The following ZCCHC7 variants were observed in gnomAD, a reference collection of about 807,000 sequenced individuals.
The protein encoded by ZCCHC7 is zinc finger CCHC-type containing 7.
ZCCHC7 carries 35 observed loss-of-function variants against 52.0 expected under a neutral mutation model. The observed-to-expected ratio is 0.67, with a 90% confidence interval of 0.51 to 0.89. ZCCHC7 has a LOEUF of 0.89. ZCCHC7 is among the 40% of genes least tolerant of loss of function. The pLI is 0.00. For missense variants in ZCCHC7, 574 were observed against 649.1 expected (o/e 0.88, Z 1.26); for synonymous variants, 217 against 221.5 (o/e 0.98, Z 0.18).
intron 2 of ZCCHC7, among the ~76,000 whole-genome samples, chr9:37,166,125 G>A (rs912995583): frequency 3.2e-4 from 36 of 113,294 alleles, no homozygotes; most frequent in Middle Eastern, 5.9e-3. Context: ...GGCTGGGTGG[G>A]GTGGCTCACG....
At chr9:37,246,699 G>A (rs1826094191) in intron 2 of ZCCHC7, among the ~76,000 whole-genome samples, 1 of 152,110 alleles carries the variant, frequency 6.6e-6, no homozygotes, top group Admixed American at 6.6e-5. Flanking sequence ...AATATGTGCA[G>A]TTGGCTCTCG....
chr9:37,176,965 C>T (rs1564159805), intron 2 of ZCCHC7, among the ~76,000 whole-genome samples: 1 of 152,092 alleles, frequency 6.6e-6, no homozygotes, highest in Admixed American at 6.6e-5. Context: ...ACTACTGATG[C>T]CTCAGTCCTA....
At chr9:37,345,936 A>T (rs1820936387) in intron 6 of ZCCHC7, among the ~76,000 whole-genome samples, 1 of 152,132 alleles carries the variant, frequency 6.6e-6, no homozygotes, top group South Asian at 2.1e-4. Context: ...AAGAGCTGAA[A>T]GTAAAGTTGT....
At chr9:37,143,350 A>G (rs1313070030) in intron 2 of ZCCHC7, among the ~76,000 whole-genome samples, 1 of 151,808 alleles carries the variant, frequency 6.6e-6, no homozygotes, top group African/African-American at 2.4e-5. Flanking sequence ...GTAAAATTAC[A>G]TTGTGTTGCG....
chr9:37,232,829 C>T (rs920191799), intron 2 of ZCCHC7, among the ~76,000 whole-genome samples: 1 of 152,074 alleles, frequency 6.6e-6, no homozygotes, highest in Non-Finnish European at 1.5e-5. Context: ...TTTGTTCTTT[C>T]GATGAAAGTG....
At chr9:37,161,272 C>T (rs1410328271) in intron 2 of ZCCHC7, among the ~76,000 whole-genome samples, 6 of 152,024 alleles carry the variant, frequency 3.9e-5, no homozygotes, top group Non-Finnish European at 8.8e-5. Flanking sequence ...CTTAACAAGT[C>T]TGTGTTAAAA....
At chr9:37,306,327 C>G (rs1307415693) in intron 5 of ZCCHC7, among the ~76,000 whole-genome samples, 1 of 152,066 alleles carries the variant, frequency 6.6e-6, no homozygotes, top group African/African-American at 2.4e-5. Flanking sequence ...CCTCAGCCTC[C>G]TAAAGTGCTG....
chr9:37,120,423 G>T (rs1165277545), upstream of ZCCHC7: 18 of 393,578 alleles, frequency 4.6e-5, no homozygotes, highest in Non-Finnish European at 2.7e-5. Flanking sequence ...AGAACGGTTC[G>T]CACCCACTAC....
At chr9:37,210,481 TA>T (rs1458731759) in intron 2 of ZCCHC7, among the ~76,000 whole-genome samples, 2 of 152,204 alleles carry the variant, frequency 1.3e-5, no homozygotes, top group African/African-American at 4.8e-5. Flanking sequence ...TAAGATTATG[TA>T]GAAAACACCA....
chr9:37,189,263 GT>G (rs1822889543), intron 2 of ZCCHC7, among the ~76,000 whole-genome samples: 1 of 151,820 alleles, frequency 6.6e-6, no homozygotes, highest in South Asian at 2.1e-4. Context: ...GGCATCTGTT[GT>G]TTTTTTCTCA....
chr9:37,252,794 C>T (rs1472858764), intron 2 of ZCCHC7, among the ~76,000 whole-genome samples: 1 of 152,104 alleles, frequency 6.6e-6, no homozygotes, highest in African/African-American at 2.4e-5. Context: ...TAGTACCATC[C>T]TGTAATACCA....
chr9:37,239,078 A>G (rs1047299055), intron 2 of ZCCHC7, among the ~76,000 whole-genome samples: 1 of 152,178 alleles, frequency 6.6e-6, no homozygotes, highest in Non-Finnish European at 1.5e-5. Flanking sequence ...AAAGAAATTT[A>G]TTATTAGAAA....
chr9:37,125,453 G>A (rs531209869), intron 1 of ZCCHC7, among the ~76,000 whole-genome samples: 30 of 152,334 alleles, frequency 2.0e-4, no homozygotes, highest in African/African-American at 6.0e-4. Flanking sequence ...GCCACTGCCA[G>A]CTCAGGCATT....
At chr9:37,129,372 G>C (rs1442682075) in intron 2 of ZCCHC7, among the ~76,000 whole-genome samples, 1 of 152,156 alleles carries the variant, frequency 6.6e-6, no homozygotes, top group African/African-American at 2.4e-5. Flanking sequence ...TAATTTACTT[G>C]ACTCTTATAA....
chr9:37,182,270 T>C (rs1312447496), intron 2 of ZCCHC7, among the ~76,000 whole-genome samples: 2 of 152,222 alleles, frequency 1.3e-5, no homozygotes, highest in African/African-American at 4.8e-5. Flanking sequence ...TTGTTGATAA[T>C]ACAGGCACAT....
At chr9:37,165,002 C>T (rs553981423) in intron 2 of ZCCHC7, among the ~76,000 whole-genome samples, 12 of 152,294 alleles carry the variant, frequency 7.9e-5, no homozygotes, top group African/African-American at 1.2e-4. Context: ...ATCGTGAACA[C>T]GGTATATCTG....
At chr9:37,302,098 A>ATT in intron 2 of ZCCHC7, 90 bp from the exon 3 acceptor site, 2 of 1,070,114 alleles carry the variant, frequency 1.9e-6, no homozygotes, top group Non-Finnish European at 2.8e-6. Context: ...TTGGGGTCCA[A>ATT]TTTGAGTACT....
At chr9:37,305,457 A>T in intron 4 of ZCCHC7, 87 bp from the exon 5 acceptor site, 1 of 1,500,324 alleles carries the variant, frequency 6.7e-7, no homozygotes, top group African/African-American at 1.4e-5. Flanking sequence ...ATTAGAAAAG[A>T]TTTTTTTATG....
intron 2 of ZCCHC7, among the ~76,000 whole-genome samples, chr9:37,261,056 T>G (rs1826843847): frequency 6.6e-6 from 1 of 152,240 alleles, no homozygotes; most frequent in African/African-American, 2.4e-5. Flanking sequence ...CTGCTTGATA[T>G]GGATGGCCTA....
Sources: gnomAD v4.1 joint callset for allele counts (sites outside exome capture counted in the v4.1 genomes callset) on GRCh38, gnomAD v4.1.1 for gene constraint, MANE v1.5 for transcripts, NCBI Gene and HGNC (gene_info 2026-07-23, HGNC 2026-07-21) for gene names.